Variants in PFKFB3 observed in about 807,000 individuals in gnomAD.
PFKFB3 encodes the protein 6-phosphofructo-2-kinase/fructose-2,6-biphosphatase 3.
PFKFB3 carries 33 observed loss-of-function variants against 68.0 expected under a neutral mutation model. That is an observed-to-expected ratio of 0.49 (90% CI 0.37 to 0.65). The LOEUF (loss-of-function observed/expected upper bound fraction) is 0.65, where lower values mean the gene tolerates loss of function less well. Ranked by LOEUF, PFKFB3 falls within the 30% of genes least tolerant of loss-of-function variation. PFKFB3 has a pLI of 0.00. For missense variants in PFKFB3, 586 were observed against 712.2 expected (o/e 0.82, Z 2.02); for synonymous variants, 315 against 288.2 (o/e 1.09, Z -0.94).
intron 13 of PFKFB3, among the ~76,000 whole-genome samples, chr10:6,225,553 T>A (rs118127413): frequency 1.3e-5 from 2 of 152,192 alleles, no homozygotes; most frequent in East Asian, 3.9e-4. Flanking sequence ...TGGAGACAGA[T>A]CCCGGTTCTG....
the PFKFB3 span, among the ~76,000 whole-genome samples, chr10:6,269,761 G>A: frequency 6.6e-6 from 1 of 152,192 alleles, no homozygotes; most frequent in Non-Finnish European, 1.5e-5. Flanking sequence ...GACAACTTCA[G>A]AAGTCAGCAT....
At chr10:6,277,558 G>C in the PFKFB3 span, 1 of 170,800 alleles carries the variant, frequency 5.9e-6, no homozygotes, top group South Asian at 1.0e-4. Context: ...CATTTCCCTT[G>C]TGCTGTGCTC....
At chr10:6,179,431 G>A (rs778538748) in intron 1 of PFKFB3, among the ~76,000 whole-genome samples, 10 of 152,240 alleles carry the variant, frequency 6.6e-5, no homozygotes, top group Non-Finnish European at 1.2e-4. Context: ...TTAACAGCTT[G>A]TTCCCTTCTG....
At chr10:6,312,634 C>T in the PFKFB3 span, among the ~76,000 whole-genome samples, 2 of 152,342 alleles carry the variant, frequency 1.3e-5, no homozygotes, top group African/African-American at 2.4e-5. Flanking sequence ...GCGTTCTAAA[C>T]AACTGCTGGG....
intron 1 of PFKFB3, among the ~76,000 whole-genome samples, chr10:6,207,859 C>T (rs1843899641): frequency 6.6e-6 from 1 of 152,158 alleles, no homozygotes. Context: ...ACCTTTTTGA[C>T]TGGCAAGGTC....
chr10:6,156,166 T>TG, intron 1 of PFKFB3, among the ~76,000 whole-genome samples: 2 of 151,430 alleles, frequency 1.3e-5, no homozygotes, highest in African/African-American at 4.9e-5. Flanking sequence ...TGTGTGTGTA[T>TG]TTTTAGAGGC....
intron 1 of PFKFB3, among the ~76,000 whole-genome samples, chr10:6,206,015 G>C (rs918372713): frequency 1.3e-5 from 2 of 149,748 alleles, no homozygotes; most frequent in Non-Finnish European, 1.5e-5. Context: ...GGTGTTTCTC[G>C]CAGAGGGGGA....
At chr10:6,322,343 T>C in the PFKFB3 span, among the ~76,000 whole-genome samples, 1 of 152,200 alleles carries the variant, frequency 6.6e-6, no homozygotes, top group Non-Finnish European at 1.5e-5. Context: ...CAAATCCATC[T>C]ACCACTTTTC....
At chr10:6,202,772 G>A (rs1301678314), upstream of PFKFB3, 3 of 624,004 alleles carry the variant, frequency 4.8e-6, no homozygotes, top group Non-Finnish European at 6.1e-6. Context: ...CGCCGTCGCC[G>A]GCCCGCAGGG....
the PFKFB3 span, among the ~76,000 whole-genome samples, chr10:6,300,154 C>T: frequency 5.3e-5 from 8 of 151,690 alleles, no homozygotes; most frequent in African/African-American, 7.3e-5. Context: ...TTTGTCTCTT[C>T]GGGCGAGATG....
Position 6,220,885 on chromosome 10 carries a change from A to T in PFKFB3, c.831+20A>T. Reference sequence around the variant, plus strand: ...AAGAAGGTGCGGGGTGTGCTGCCGCATGGGCCGTTCTGGCTGTAGGGCGGT... The same window carrying T: ...AAGAAGGTGCGGGGTGTGCTGCCGCTTGGGCCGTTCTGGCTGTAGGGCGGT... On this transcript the variant is annotated intron_variant, in intron 8 of 14. Coordinates refer to ENST00000379775, the MANE Select transcript of PFKFB3 (RefSeq NM_004566.4). This position sits in a 1 kb window ranked among gnomAD's most constrained non-coding sequence, Gnocchi z 4.1. 1 of 1,603,370 alleles carries T rather than the reference A, an allele frequency of 6.2e-7. No individual in the cohort carries two copies. Among genetic ancestry groups the T allele is most frequent in the South Asian group, 1.1e-5 (1 of 90,964 alleles).
chr10:6,250,113 G>C, intron 14 of PFKFB3, among the ~76,000 whole-genome samples: 1 of 152,116 alleles, frequency 6.6e-6, no homozygotes, highest in East Asian at 1.9e-4. Context: ...TGTTATGTTG[G>C]GTGCTGTGGA....
intron 1 of PFKFB3, chr10:6,146,434 T>G (rs1841391433): frequency 4.6e-6 from 7 of 1,535,560 alleles, no homozygotes; most frequent in Non-Finnish European, 5.2e-6. Flanking sequence ...GCTCTGCCAC[T>G]CCTCTGTCAG....
At position 6,219,552 on chromosome 10, in the gene PFKFB3, C is replaced by G. The variant is rs1844811366; in HGVS notation, c.499-17C>G. 6.2e-7 allele frequency: 1 copy of G among 1,613,812 alleles called. No homozygotes were observed. The highest frequency in any genetic ancestry group is 8.5e-7 in the Non-Finnish European group (1 of 1,179,904). ...CTTCCAGCGTGATTTATCAGCCACC[C>G]CTTTGTGGTGTTGCAGGAAGTTAAA... On this transcript the variant is annotated splice_polypyrimidine_tract_variant and intron_variant, in intron 6 of 14. Transcript: ENST00000379775.
intron 1 of PFKFB3, chr10:6,164,134 T>C (rs1190097093): frequency 6.6e-6 from 1 of 152,158 alleles, no homozygotes. Flanking sequence ...GCGCAGCCCG[T>C]TTCCCTGTGG....
downstream of PFKFB3, among the ~76,000 whole-genome samples, chr10:6,239,924 T>C (rs1422329282): frequency 6.6e-6 from 1 of 152,142 alleles, no homozygotes; most frequent in African/African-American, 2.4e-5. Flanking sequence ...TCTGCCCCAC[T>C]GGGCCTCCCA....
intron 1 of PFKFB3, among the ~76,000 whole-genome samples, chr10:6,145,634 T>C (rs1053808594): frequency 6.6e-6 from 1 of 151,892 alleles, no homozygotes; most frequent in African/African-American, 2.4e-5. Context: ...CCTCCCGCCC[T>C]CTGACCCCCG....
At chr10:6,196,626 C>T (rs987174354) in intron 1 of PFKFB3, among the ~76,000 whole-genome samples, 1 of 152,186 alleles carries the variant, frequency 6.6e-6, no homozygotes, top group Non-Finnish European at 1.5e-5. Flanking sequence ...GAGACTAAGC[C>T]AGTCTAGTCT....
intron 13 of PFKFB3, chr10:6,224,646 A>T: frequency 2.9e-6 from 1 of 339,150 alleles, no homozygotes. Flanking sequence ...ATGCCCAGCT[A>T]ATTTTAATTT....
Sources: allele counts gnomAD v4.1 joint callset (sites outside exome capture counted in the v4.1 genomes callset), GRCh38; gene constraint gnomAD v4.1.1; non-coding constraint Gnocchi (gnomAD v3.1); transcripts MANE v1.5; gene names NCBI Gene and HGNC (gene_info 2026-07-23, HGNC 2026-07-21).